GPR137C: variants seen among roughly 807,000 people sequenced by gnomAD.
The protein encoded by GPR137C is G protein-coupled receptor 137C.
GPR137C carries 27 observed loss-of-function variants against 43.4 expected under a neutral mutation model. The ratio of observed to expected loss-of-function variants is 0.62; its 90% CI spans 0.46 to 0.86. The LOEUF is 0.86. GPR137C is among the 40% of genes least tolerant of loss of function. The probability of loss-of-function intolerance (pLI) is 0.00; values close to 1 mark genes in which losing one functional copy is unlikely to be tolerated. For synonymous variants in GPR137C, 285 were observed against 226.9 expected, an observed-to-expected ratio of 1.26 and a Z score of -2.30; for missense variants, 522 against 534.6, an observed-to-expected ratio of 0.98 and a Z score of 0.23.
intron 1 of GPR137C, among the ~76,000 whole-genome samples, chr14:52,590,570 G>A (rs910319555): frequency 7.2e-5 from 11 of 152,076 alleles, no homozygotes; most frequent in Admixed American, 2.6e-4. Flanking sequence ...CATATTAAGT[G>A]CCCTATACAA....
intron 1 of GPR137C, among the ~76,000 whole-genome samples, chr14:52,567,106 C>G (rs2038382736): frequency 6.6e-6 from 1 of 151,860 alleles, no homozygotes; most frequent in African/African-American, 2.4e-5. Flanking sequence ...AAGTGAGACA[C>G]CGTCTGAAAA....
chr14:52,596,799 C>T, intron 1 of GPR137C: 2 of 399,616 alleles, frequency 5.0e-6, no homozygotes, highest in South Asian at 1.8e-5. Flanking sequence ...GACACCCTGC[C>T]CTGCTTCAGC....
At chr14:52,555,109 T>C (rs1457972733) in intron 1 of GPR137C, among the ~76,000 whole-genome samples, 1 of 152,160 alleles carries the variant, frequency 6.6e-6, no homozygotes, top group Non-Finnish European at 1.5e-5. Context: ...AGATAGTGCG[T>C]TAGTGACTTC....
At chr14:52,593,534 C>A (rs1168937961) in intron 1 of GPR137C, among the ~76,000 whole-genome samples, 1 of 152,232 alleles carries the variant, frequency 6.6e-6, no homozygotes, top group East Asian at 1.9e-4. Context: ...TTCAGAGATT[C>A]AACTTCTTCC....
At chr14:52,585,899 TCATG>T (rs2038707394) in intron 1 of GPR137C, among the ~76,000 whole-genome samples, 1 of 152,094 alleles carries the variant, frequency 6.6e-6, no homozygotes, top group Non-Finnish European at 1.5e-5. Flanking sequence ...CGTTTATCAC[TCATG>T]GCTAAAGCAG....
At chr14:52,561,776 C>G (rs955653908) in intron 1 of GPR137C, among the ~76,000 whole-genome samples, 1 of 152,054 alleles carries the variant, frequency 6.6e-6, no homozygotes, top group Non-Finnish European at 1.5e-5. Flanking sequence ...AAAGTGCAAA[C>G]CTATGGTCAC....
chr14:52,608,273 T>C (rs964001879), intron 3 of GPR137C, among the ~76,000 whole-genome samples: 9 of 152,202 alleles, frequency 5.9e-5, no homozygotes, highest in African/African-American at 2.2e-4. Flanking sequence ...GTTATAGATT[T>C]TTGCTTTGTG....
intron 1 of GPR137C, among the ~76,000 whole-genome samples, chr14:52,585,876 C>G (rs1436470249): frequency 3.9e-5 from 6 of 152,092 alleles, no homozygotes; most frequent in Admixed American, 3.9e-4. Flanking sequence ...ACCCACAAGT[C>G]AGAGTGAAAG....
chr14:52,580,787 A>G (rs949565195), intron 1 of GPR137C, among the ~76,000 whole-genome samples: 1 of 145,730 alleles, frequency 6.9e-6, no homozygotes, highest in Admixed American at 6.9e-5. Flanking sequence ...TATATCTACT[A>G]AATATATTTA....
chr14:52,607,123 G>T (rs2038991582), intron 3 of GPR137C, among the ~76,000 whole-genome samples: 1 of 152,106 alleles, frequency 6.6e-6, no homozygotes, highest in Non-Finnish European at 1.5e-5. Context: ...CTGATTTCTA[G>T]TCTTGCTCTG....
At chr14:52,613,310 A>C (rs2039059912) in intron 3 of GPR137C, 1 of 152,176 alleles carries the variant, frequency 6.6e-6, no homozygotes, top group Non-Finnish European at 1.5e-5. Flanking sequence ...ACATTATGGA[A>C]AATGCAATAT....
At chr14:52,570,943 TAAC>T (rs2038458172) in intron 1 of GPR137C, among the ~76,000 whole-genome samples, 1 of 151,978 alleles carries the variant, frequency 6.6e-6, no homozygotes, top group African/African-American at 2.4e-5. Flanking sequence ...AACAGAAAAT[TAAC>T]AAGGATATTC....
At chr14:52,556,065 G>A (rs2038187669) in intron 1 of GPR137C, among the ~76,000 whole-genome samples, 1 of 151,976 alleles carries the variant, frequency 6.6e-6, no homozygotes, top group African/African-American at 2.4e-5. Flanking sequence ...GAAAGCCTAT[G>A]TGGTGATAAA....
chr14:52,615,347 G>A (rs2039086866), intron 3 of GPR137C, among the ~76,000 whole-genome samples: 1 of 151,928 alleles, frequency 6.6e-6, no homozygotes, highest in Admixed American at 6.6e-5. Flanking sequence ...TGCTGTTTAG[G>A]TTACTAAAGC....
At chr14:52,598,060 G>A (rs142552531) in intron 1 of GPR137C, among the ~76,000 whole-genome samples, 148 of 152,172 alleles carry the variant, frequency 9.7e-4, no homozygotes, top group African/African-American at 3.2e-3. Context: ...TAGAAATGTA[G>A]GTTTATGTTG....
intron 1 of GPR137C, among the ~76,000 whole-genome samples, chr14:52,582,627 C>T (rs962281552): frequency 4.6e-5 from 7 of 152,144 alleles, no homozygotes; most frequent in Non-Finnish European, 5.9e-5. Flanking sequence ...AACCCAGTCT[C>T]TAATAAAAAT....
chr14:52,577,643 A>G (rs2038581317), intron 1 of GPR137C, among the ~76,000 whole-genome samples: 1 of 152,024 alleles, frequency 6.6e-6, no homozygotes, highest in Non-Finnish European at 1.5e-5. Context: ...GAAACTATAA[A>G]GATCTGATTT....
intron 3 of GPR137C, among the ~76,000 whole-genome samples, chr14:52,608,976 G>T (rs2039010669): frequency 6.6e-6 from 1 of 152,090 alleles, no homozygotes; most frequent in Non-Finnish European, 1.5e-5. Flanking sequence ...CTTTCTCCAG[G>T]TTTGGGAAGT....
chr14:52,620,711 C>A (rs1187759252), intron 3 of GPR137C, among the ~76,000 whole-genome samples: 2 of 150,880 alleles, frequency 1.3e-5, no homozygotes, highest in Admixed American at 6.6e-5. Context: ...AATAGGAAAT[C>A]TCAAGAGAAA....
Sources: gnomAD v4.1 joint callset for allele counts (sites outside exome capture counted in the v4.1 genomes callset) on GRCh38, gnomAD v4.1.1 for gene constraint, MANE v1.5 for transcripts, NCBI Gene and HGNC (gene_info 2026-07-23, HGNC 2026-07-21) for gene names.